The following DNAJC13 variants were observed in gnomAD, a reference collection of about 807,000 sequenced individuals.
The protein encoded by DNAJC13 is dnaJ homolog subfamily C member 13.
DNAJC13 carries 75 observed loss-of-function variants against 290.5 expected under a neutral mutation model. The ratio of observed to expected loss-of-function variants is 0.26; its 90% confidence interval spans 0.21 to 0.31. The LOEUF (loss-of-function observed/expected upper bound fraction) is 0.31, where lower values mean the gene tolerates loss of function less well. Ranked by LOEUF, DNAJC13 falls within the 10% of genes least tolerant of loss-of-function variation. The pLI, the probability that DNAJC13 is intolerant of heterozygous loss-of-function variation, is 1.00. For synonymous variants in DNAJC13, 862 were observed against 892.0 expected (o/e 0.97, Z 0.60); for missense variants, 2,260 against 2,674.5 (o/e 0.85, Z 3.42).
intron 45 of DNAJC13, among the ~76,000 whole-genome samples, chr3:132,514,179 C>T (rs1369222382): frequency 6.6e-6 from 1 of 152,074 alleles, no homozygotes; most frequent in African/African-American, 2.4e-5. Flanking sequence ...AAAAACATAC[C>T]TATTTCTTTA....
intron 45 of DNAJC13, among the ~76,000 whole-genome samples, chr3:132,513,493 G>T (rs1200430734): frequency 6.6e-6 from 1 of 152,092 alleles, no homozygotes; most frequent in African/African-American, 2.4e-5. Context: ...ACATACTGTG[G>T]GTTTGCATTT....
rs762287567 is a variant in DNAJC13, at chr3:132,538,423, GA to G, written c.*148del. On this transcript the variant is annotated 3_prime_UTR_variant, in exon 56 of 56. Transcript: ENST00000260818. ...CCTTTTTCTATAAATATATTTTTAGGAAAAAAAGTCAGTGATCCTAATTGTA... is the reference window on the plus strand; with the variant it reads ...CCTTTTTCTATAAATATATTTTTAGGAAAAAAGTCAGTGATCCTAATTGTA... The G allele has an allele frequency of 1.1e-5, 7 of 630,908 alleles. No homozygotes were observed. Among genetic ancestry groups the G allele is most frequent in the South Asian group, 7.4e-5 (3 of 40,636 alleles). The allele number at this position is 630,908 out of a possible 1,614,324, so 39.1% of individuals were successfully genotyped here. A position where few individuals can be genotyped will look rare whatever the true frequency, so the allele number is the denominator to read the frequency against.
intron 41 of DNAJC13, 65 bp from the exon 42 acceptor site, chr3:132,505,237 T>A (rs1252815084): frequency 6.9e-6 from 7 of 1,014,448 alleles, no homozygotes; most frequent in Non-Finnish European, 1.1e-5. Context: ...TAGACATTTT[T>A]AATAAGTGAT....
Position 132,488,968 on chromosome 3 carries a change from C to T in DNAJC13, c.3423-8C>T. ...TATATCTGATAGATAATTCATTTTT[C>T]TTTCTAGATTTTTGAAATACACACA... On this transcript the variant is annotated splice_region_variant and splice_polypyrimidine_tract_variant and intron_variant, in intron 30 of 55. Transcript: ENST00000260818. The T allele has an allele frequency of 1.3e-6, 2 of 1,599,188 alleles. No individual in the cohort carries two copies. Among genetic ancestry groups the T allele is most frequent in the Non-Finnish European group, 1.7e-6 (2 of 1,168,114 alleles).
At chr3:132,434,372 C>G (rs571501257) in intron 1 of DNAJC13, among the ~76,000 whole-genome samples, 166 bp from the exon 2 acceptor site, 8 of 146,560 alleles carry the variant, frequency 5.5e-5, no homozygotes, top group Non-Finnish European at 1.2e-4. Flanking sequence ...GGCGACAGAG[C>G]GAGACTCATC....
chr3:132,538,203 C>G lies in DNAJC13; in HGVS notation c.6653C>G (p.Ala2218Gly). The change falls in exon 56 of 56, where the codon GCA becomes GGA. Residue 2218 changes from alanine to glycine, a missense_variant. Ala to Gly is a moderately conservative substitution (Grantham distance 60). This residue lies in a region of DNAJC13 where 1,494 missense variants were observed against 1,693.7 expected (regional missense o/e 0.88). Coordinates refer to ENST00000260818, the MANE Select transcript of DNAJC13 (RefSeq NM_015268.4). ...CCTGGAGTTGCTGGCTACCTTACCG[C>G]AGGTACATCTACATCAGTCATGTCT... Reference protein sequence around the residue: ...TGPGVAGYLTAGTSTSVMSNL... With the variant: ...TGPGVAGYLTGGTSTSVMSNL... The G allele has an allele frequency of 6.2e-7, 1 of 1,613,884 alleles. No homozygotes were observed. The highest frequency in any genetic ancestry group is 8.5e-7 in the Non-Finnish European group (1 of 1,179,918).
chr3:132,463,666 C>T (rs1933882206), intron 16 of DNAJC13, 30 bp from the exon 17 acceptor site: 1 of 1,601,570 alleles, frequency 6.2e-7, no homozygotes, highest in East Asian at 2.2e-5. Flanking sequence ...GGATTGCCAC[C>T]TTAGGGATCA....
In DNAJC13 at chr3:132,481,448, G is replaced by A. The variant is rs188389102; in HGVS notation, c.2875-778G>A. On this transcript the variant is annotated intron_variant, in intron 26 of 55. Coordinates refer to ENST00000260818, the MANE Select transcript of DNAJC13 (RefSeq NM_015268.4). Reference sequence around the variant, plus strand: ...CAAAAACAAAAAGCCAGATGTGGTGGCACACACCTGTAGTCCCAGCTACTT... The same window carrying A: ...CAAAAACAAAAAGCCAGATGTGGTGACACACACCTGTAGTCCCAGCTACTT... Among the ~76,000 whole-genome samples, 393 of 152,210 alleles carry A rather than the reference G, an allele frequency of 2.6e-3. 3 individuals are homozygous for A. Among genetic ancestry groups the A allele is most frequent in the African/African-American group, 8.0e-3 (332 of 41,522 alleles).
At chr3:132,501,443 A>G (rs1576503919) in intron 39 of DNAJC13, among the ~76,000 whole-genome samples, 1 of 152,166 alleles carries the variant, frequency 6.6e-6, no homozygotes, top group East Asian at 1.9e-4. Flanking sequence ...AAATTCAACC[A>G]TAAGGAAAAG....
chr3:132,487,295 C>T (rs771932845), intron 29 of DNAJC13, among the ~76,000 whole-genome samples: 13 of 151,908 alleles, frequency 8.6e-5, no homozygotes, highest in Middle Eastern at 3.2e-3. Context: ...TTTACTCTGT[C>T]GCCCAGGTTG....
chr3:132,537,242 A>G (rs1269084212), intron 55 of DNAJC13: 6 of 456,142 alleles, frequency 1.3e-5, no homozygotes, highest in Non-Finnish European at 2.6e-5. Context: ...CAGCTTGCTA[A>G]CTTCTGTGTA....
intron 4 of DNAJC13, 35 bp downstream of exon 4, chr3:132,447,505 T>C: frequency 6.6e-7 from 1 of 1,506,106 alleles, no homozygotes; most frequent in Non-Finnish European, 8.8e-7. Flanking sequence ...TAAAATTTCT[T>C]TCTTCTCTTT....
At chr3:132,494,380 C>T in intron 34 of DNAJC13, 121 bp downstream of exon 34, 1 of 761,324 alleles carries the variant, frequency 1.3e-6, no homozygotes, top group Non-Finnish European at 2.2e-6. Flanking sequence ...ATATATACAC[C>T]TTGGGAATAA....
chr3:132,454,445 A>G (rs766519695), intron 9 of DNAJC13, among the ~76,000 whole-genome samples: 25 of 149,156 alleles, frequency 1.7e-4, no homozygotes, highest in Non-Finnish European at 2.8e-4. Flanking sequence ...CCGCAGCCTC[A>G]CAAGTAGCTG....
At chr3:132,456,007 A>G (rs2107668954) in intron 9 of DNAJC13, among the ~76,000 whole-genome samples, 1 of 152,324 alleles carries the variant, frequency 6.6e-6, no homozygotes, top group East Asian at 1.9e-4. Context: ...AAAGGGAGAG[A>G]AAGAGAAATT....
At position 132,446,449 on chromosome 3, in the gene DNAJC13, A is replaced by C. The variant is rs1043096601; in HGVS notation, c.69-26A>C. 7 of 1,562,678 alleles carry C rather than the reference A, an allele frequency of 4.5e-6. No homozygotes were observed. The African/African-American group carries it at 9.6e-5, about 21-fold the overall frequency. On this transcript the variant is annotated intron_variant, in intron 2 of 55. Transcript: ENST00000260818. The stretch of plus-strand genomic sequence containing the variant: ...AAAATATCTTTTTGTTTAAAACTAA[A>C]TTTAAGCACTTGTTTTCCTTTGTAG...
chr3:132,501,635 T>C (rs1456968135), intron 39 of DNAJC13, among the ~76,000 whole-genome samples: 2 of 151,794 alleles, frequency 1.3e-5, no homozygotes, highest in African/African-American at 2.4e-5. Flanking sequence ...CGGCACTGCT[T>C]GGTGGGAAAG....
At chr3:132,472,179 G>C (rs1934299663) in intron 20 of DNAJC13, among the ~76,000 whole-genome samples, 1 of 151,712 alleles carries the variant, frequency 6.6e-6, no homozygotes, top group Non-Finnish European at 1.5e-5. Context: ...GAGCCGAGAT[G>C]GCAGCAGTAC....
intron 20 of DNAJC13, among the ~76,000 whole-genome samples, chr3:132,470,867 C>G (rs1380472934): frequency 2.1e-3 from 189 of 88,708 alleles, no homozygotes; most frequent in African/African-American, 6.6e-3. Context: ...CCCTCCCGGA[C>G]AGGGCGGCCG....
Sources: allele counts gnomAD v4.1 joint callset (sites outside exome capture counted in the v4.1 genomes callset), GRCh38; gene constraint gnomAD v4.1.1; regional missense constraint gnomAD v4.1.1; transcripts MANE v1.5; gene names NCBI Gene and HGNC (gene_info 2026-07-23, HGNC 2026-07-21).